Variants in ANXA4 observed in about 807,000 individuals in gnomAD.
ANXA4 encodes annexin A4.
In ANXA4, 39 loss-of-function variants were observed where a neutral mutation model predicts 49.8. The ratio of observed to expected loss-of-function variants is 0.78; its 90% CI spans 0.61 to 1.02. The LOEUF is 1.02. Ranked by LOEUF, ANXA4 falls within the 50% of genes least tolerant of loss-of-function variation. The pLI, the probability that ANXA4 is intolerant of heterozygous loss-of-function variation, is 0.00. For missense variants in ANXA4, 360 were observed against 410.1 expected (o/e 0.88, Z 1.05); for synonymous variants, 134 against 152.5 (o/e 0.88, Z 0.89).
At chr2:69,711,692 A>G (rs1308988704) in intron 2 of ANXA4, among the ~76,000 whole-genome samples, 2 of 152,232 alleles carry the variant, frequency 1.3e-5, no homozygotes, top group Non-Finnish European at 2.9e-5. Flanking sequence ...AATTAAGAAA[A>G]TAAGAAATGG....
chr2:69,712,986 T>C (rs1381967807), intron 2 of ANXA4, among the ~76,000 whole-genome samples: 1 of 152,164 alleles, frequency 6.6e-6, no homozygotes, highest in East Asian at 1.9e-4. Context: ...CAGAGTGGAC[T>C]GGCTTCTACC....
rs975426340 is a variant in ANXA4 at position 69,650,479 on chromosome 2, CT to C, written n.482-2509del. On this transcript the variant is annotated intron_variant and non_coding_transcript_variant, in intron 1 of 3. Coordinates refer to the ANXA4 transcript ENST00000418066. ...AGGAGCTTTTGGTGGTTTTTGTATCCTTTTTTTTTTCTTTGAGACAGGGTCT... is the reference window on the plus strand; with the variant it reads ...AGGAGCTTTTGGTGGTTTTTGTATCCTTTTTTTTTCTTTGAGACAGGGTCT... 1.3e-3 allele frequency among the ~76,000 whole-genome samples: 188 copies of C among 148,806 alleles called. 1 individual carries two copies. The highest frequency in any genetic ancestry group is 4.4e-3 in the African/African-American group (177 of 40,608).
chr2:69,669,362 C>A (rs1677071857), intron 2 of ANXA4, among the ~76,000 whole-genome samples: 1 of 151,632 alleles, frequency 6.6e-6, no homozygotes, highest in Non-Finnish European at 1.5e-5. Flanking sequence ...GCAATCCCAA[C>A]ACTTTGGGAG....
chr2:69,695,463 A>T (rs1159841422), intron 2 of ANXA4, among the ~76,000 whole-genome samples: 3 of 152,200 alleles, frequency 2.0e-5, no homozygotes, highest in African/African-American at 7.2e-5. Context: ...GATGAGGGAG[A>T]AAAAAGAAGT....
At chr2:69,722,988 T>C (rs776746458) in intron 3 of ANXA4, among the ~76,000 whole-genome samples, 18 of 146,310 alleles carry the variant, frequency 1.2e-4, no homozygotes, top group Non-Finnish European at 1.9e-4. Flanking sequence ...CTGGCTAACA[T>C]GATGAAACTC....
exon 3 of ANXA4, chr2:69,720,809 A>C (rs1669794845): frequency 6.6e-6 from 1 of 151,980 alleles, no homozygotes; most frequent in Non-Finnish European, 1.5e-5. Flanking sequence ...CCCAGGGTTG[A>C]GAACTACTGC....
intron 11 of ANXA4, among the ~76,000 whole-genome samples, chr2:69,819,932 G>C (rs10166982): frequency 0.14 from 20,567 of 151,894 alleles, 3,674 homozygotes; most frequent in African/African-American, 0.38. Flanking sequence ...GTCAGGTATG[G>C]TGGCTCATGC....
At chr2:69,669,502 T>G (rs1677077643) in intron 2 of ANXA4, among the ~76,000 whole-genome samples, 2 of 151,678 alleles carry the variant, frequency 1.3e-5, no homozygotes, top group South Asian at 2.1e-4. Flanking sequence ...TCCCAGCTAC[T>G]TGGGAAGCTG....
chr2:69,724,471 G>A (rs763741869), intron 3 of ANXA4, among the ~76,000 whole-genome samples: 1 of 152,176 alleles, frequency 6.6e-6, no homozygotes, highest in Non-Finnish European at 1.5e-5. Flanking sequence ...AGGCAGGTAT[G>A]GGCTAATTGC....
chr2:69,692,481 T>A (rs556545219), intron 2 of ANXA4, among the ~76,000 whole-genome samples: 1 of 152,356 alleles, frequency 6.6e-6, no homozygotes, highest in East Asian at 1.9e-4. Context: ...TGCTATTACC[T>A]CCTCTATAGT....
intron 2 of ANXA4, among the ~76,000 whole-genome samples, chr2:69,786,863 A>G (rs1302895093): frequency 6.6e-6 from 1 of 151,916 alleles, no homozygotes; most frequent in Non-Finnish European, 1.5e-5. Flanking sequence ...CTGGGACTAC[A>G]GGCCTGTGCC....
chr2:69,714,742 G>A (rs1413801835), intron 2 of ANXA4, among the ~76,000 whole-genome samples: 1 of 152,220 alleles, frequency 6.6e-6, no homozygotes, highest in Non-Finnish European at 1.5e-5. Context: ...ACCCAGGTCC[G>A]GAGGTGCCTG....
intron 2 of ANXA4, among the ~76,000 whole-genome samples, chr2:69,686,206 A>G (rs1677780203): frequency 6.6e-6 from 1 of 151,014 alleles, no homozygotes; most frequent in Non-Finnish European, 1.5e-5. Flanking sequence ...TGTTTTTGAG[A>G]CAGAGTCTGG....
intron 1 of ANXA4, among the ~76,000 whole-genome samples, chr2:69,757,795 A>G (rs1671123239): frequency 6.6e-6 from 1 of 151,542 alleles, no homozygotes. Context: ...GTCTCTATTA[A>G]TAAAAATACA....
At chr2:69,645,265 A>G (rs1173193028) in intron 1 of ANXA4, among the ~76,000 whole-genome samples, 3 of 152,224 alleles carry the variant, frequency 2.0e-5, no homozygotes, top group Non-Finnish European at 4.4e-5. Flanking sequence ...GTGAAGAGAT[A>G]GCATCTTTTC....
At chr2:69,678,389 C>CTTTTTT (rs150952411) in intron 2 of ANXA4, among the ~76,000 whole-genome samples, 477 of 78,304 alleles carry the variant, frequency 6.1e-3, no homozygotes, top group Middle Eastern at 0.01. Flanking sequence ...CTTTTCTTTT[C>CTTTTTT]TTTTTTTTTT....
At chr2:69,677,072 T>C (rs1470671584) in intron 2 of ANXA4, among the ~76,000 whole-genome samples, 1 of 152,102 alleles carries the variant, frequency 6.6e-6, no homozygotes, top group East Asian at 1.9e-4. Flanking sequence ...TACCTCAGCT[T>C]CCCAAAGTGT....
chr2:69,695,910 TA>T (rs57629648), intron 2 of ANXA4, among the ~76,000 whole-genome samples: 29 of 151,390 alleles, frequency 1.9e-4, no homozygotes, highest in African/African-American at 6.6e-4. Flanking sequence ...ACTTTTTTGC[TA>T]AAAAAAAATG....
At chr2:69,771,049 G>A (rs1459945828) in intron 1 of ANXA4, among the ~76,000 whole-genome samples, 1 of 134,930 alleles carries the variant, frequency 7.4e-6, no homozygotes, top group Non-Finnish European at 1.5e-5. Flanking sequence ...AGCTATGACT[G>A]TACCACTGCA....
Sources: allele counts gnomAD v4.1 joint callset (sites outside exome capture counted in the v4.1 genomes callset), GRCh38; gene constraint gnomAD v4.1.1; transcripts MANE v1.5; gene names NCBI Gene and HGNC (gene_info 2026-07-23, HGNC 2026-07-21).